FOXN2: variants seen among roughly 807,000 people sequenced by gnomAD.
FOXN2 encodes the protein forkhead box N2, also known as forkhead box protein N2.
Under a neutral mutation model 41.2 loss-of-function variants are expected in FOXN2, and 19 were observed. The ratio of observed to expected loss-of-function variants is 0.46; its 90% CI spans 0.32 to 0.68. The LOEUF is 0.68. FOXN2 is among the 30% of genes least tolerant of loss of function. The pLI is 0.03. For missense variants in FOXN2, 587 were observed against 509.4 expected (o/e 1.15, Z -1.47); for synonymous variants, 195 against 176.8 (o/e 1.10, Z -0.82).
Position 48,315,035 on chromosome 2 carries a change from G to T in FOXN2, c.-157+221G>T, listed in dbSNP as rs913023135. ...ATCGGGTGGTGTGTGGGCTCCGGGG[G>T]ATGTCGAACTGAGGGGAGTGTGGCT... On this transcript the variant is annotated intron_variant, in intron 1 of 6. Transcript: ENST00000340553. 3.9e-5 allele frequency among the ~76,000 whole-genome samples: 6 copies of T among 152,214 alleles called. No individual in the cohort carries two copies. In the East Asian group the frequency reaches 1.2e-3, roughly 30 times the overall value.
intron 5 of FOXN2, among the ~76,000 whole-genome samples, chr2:48,370,592 GTCT>G (rs1366161857): frequency 1.3e-5 from 2 of 151,936 alleles, no homozygotes; most frequent in Non-Finnish European, 1.5e-5. Context: ...CCATTTGTAT[GTCT>G]TCTTTTGAGC....
chr2:48,329,428 AC>A (rs952821395), intron 2 of FOXN2, among the ~76,000 whole-genome samples: 1 of 151,830 alleles, frequency 6.6e-6, no homozygotes, highest in African/African-American at 2.4e-5. Flanking sequence ...CCCCCCACTC[AC>A]TTTTATTTCA....
intron 5 of FOXN2, among the ~76,000 whole-genome samples, chr2:48,370,112 C>T (rs1048881524): frequency 2.0e-5 from 3 of 152,182 alleles, no homozygotes; most frequent in Non-Finnish European, 4.4e-5. Flanking sequence ...GTCCACCTGG[C>T]TTAAGGCAGT....
chr2:48,346,065 ATGT>A (rs1182948462), intron 2 of FOXN2, 133 bp from the exon 3 acceptor site: 18 of 682,474 alleles, frequency 2.6e-5, no homozygotes, highest in Non-Finnish European at 3.7e-5. Flanking sequence ...CATTATACAA[ATGT>A]TGTGCTTAAA....
upstream of FOXN2, among the ~76,000 whole-genome samples, chr2:48,313,857 A>AT (rs150483191): frequency 3.0e-3 from 461 of 152,266 alleles, 1 homozygote; most frequent in African/African-American, 0.01. Context: ...ATATTCTTAT[A>AT]TTTTTAAAAA....
At position 48,322,887 on chromosome 2, in the gene FOXN2, G is replaced by A. The variant is rs1325499666; in HGVS notation, c.-156-5674G>A. On this transcript the variant is annotated intron_variant, in intron 1 of 6. Transcript: ENST00000340553. ...TCAGACTTGCTTTTATTGTTTATAG[G>A]GATGTTATTTTATTGTTTCTTTTTT... Among the ~76,000 whole-genome samples the A allele has an allele frequency of 2.0e-5, 3 of 150,034 alleles. No individual in the cohort carries two copies. The East Asian group carries it at 5.8e-4, about 29-fold the overall frequency.
chr2:48,317,895 C>A (rs930691129), intron 1 of FOXN2, among the ~76,000 whole-genome samples: 2 of 151,846 alleles, frequency 1.3e-5, no homozygotes, highest in African/African-American at 4.8e-5. Flanking sequence ...GCGGGAACCA[C>A]CACGCCCGGC....
chr2:48,350,635 C>T (rs962231996), intron 3 of FOXN2, among the ~76,000 whole-genome samples: 6 of 152,190 alleles, frequency 3.9e-5, no homozygotes, highest in Non-Finnish European at 5.9e-5. Flanking sequence ...CATGGATGAT[C>T]TTTGCCTAAA....
At chr2:48,342,715 C>T (rs1014499846) in intron 2 of FOXN2, among the ~76,000 whole-genome samples, 1 of 152,102 alleles carries the variant, frequency 6.6e-6, no homozygotes, top group African/African-American at 2.4e-5. Context: ...CTGAACATGC[C>T]TGATCTCATC....
rs893546227 is a variant in FOXN2, at chr2:48,376,198, C to T, written c.*755C>T. On this transcript the variant is annotated 3_prime_UTR_variant, in exon 7 of 7. Transcript: ENST00000340553. ...ATTCTTTCCCAAAGTGCTTTGCAAA[C>T]ATTAAGTTTTAGCCACTAGCTGCCT... 6.6e-6 allele frequency: 1 copy of T among 152,082 alleles called. No homozygotes were observed. The highest frequency in any genetic ancestry group is 2.4e-5 in the African/African-American group (1 of 41,406). 9.4% of individuals were successfully genotyped at this position (152,082 alleles called of 1,614,324 possible).
chr2:48,340,250 C>T (rs1481534032), intron 2 of FOXN2, among the ~76,000 whole-genome samples: 4 of 152,174 alleles, frequency 2.6e-5, no homozygotes, highest in Non-Finnish European at 5.9e-5. Flanking sequence ...TGTAATGCAG[C>T]ATATTATGTT....
chr2:48,357,037 A>G (rs1011025204), intron 3 of FOXN2, among the ~76,000 whole-genome samples: 1 of 152,208 alleles, frequency 6.6e-6, no homozygotes, highest in Non-Finnish European at 1.5e-5. Context: ...TAAGTGGAAA[A>G]TTAGTTACAA....
chr2:48,327,735 G>A lies in FOXN2; in HGVS notation c.-156-826G>A, dbSNP rs527359470. 2.4e-4 allele frequency among the ~76,000 whole-genome samples: 36 copies of A among 152,234 alleles called. 1 individual carries two copies. The South Asian group carries it at 7.1e-3, about 30-fold the overall frequency. ...GCTGGGATTACAGGTGTGAGCCAAC[G>A]TGTCCAGCTGGAGATAGTCTTTAAT... On this transcript the variant is annotated intron_variant, in intron 1 of 6. Transcript: ENST00000340553.
rs1672495022 is a variant in FOXN2, at chr2:48,365,876, T to TGG, written c.703+3172_703+3173dup. ...ATTTTATTTTTGAACTTGGTTGTTT[T>TGG]GGGGTATATTTCTGAGGAAATTTTC... On this transcript the variant is annotated intron_variant, in intron 5 of 6. Coordinates refer to ENST00000340553, the MANE Select transcript of FOXN2 (RefSeq NM_002158.4). 2.0e-5 allele frequency among the ~76,000 whole-genome samples: 3 copies of TGG among 152,220 alleles called. No homozygotes were observed. In the South Asian group the frequency reaches 6.2e-4, roughly 31 times the overall value.
At chr2:48,371,415 T>G (rs1350068604) in intron 5 of FOXN2, among the ~76,000 whole-genome samples, 2 of 152,118 alleles carry the variant, frequency 1.3e-5, no homozygotes, top group Admixed American at 6.6e-5. Flanking sequence ...AATAGTTGGC[T>G]GTAAATATGT....
chr2:48,367,352 TTA>T (rs2104504391), intron 5 of FOXN2, among the ~76,000 whole-genome samples: 1 of 152,310 alleles, frequency 6.6e-6, no homozygotes, highest in East Asian at 1.9e-4. Context: ...ATTTTAGTAG[TTA>T]TACTAACTGC....
Position 48,316,454 on chromosome 2 carries a change from A to G in FOXN2, c.-157+1640A>G, listed in dbSNP as rs566210794. Among the ~76,000 whole-genome samples, 26 of 152,234 alleles carry G rather than the reference A, an allele frequency of 1.7e-4. No homozygotes were observed. In the East Asian group the frequency reaches 3.1e-3, roughly 18 times the overall value. ...CTTTTTGATAGTTTTAGAAAAATCT[A>G]TTTTTTTCTTTTTACATAAAAATTG... is the stretch of plus-strand genomic sequence containing the variant. On this transcript the variant is annotated intron_variant, in intron 1 of 6. Coordinates refer to ENST00000340553, the MANE Select transcript of FOXN2 (RefSeq NM_002158.4).
At chr2:48,367,917 A>G (rs1296622943) in intron 5 of FOXN2, among the ~76,000 whole-genome samples, 1 of 152,180 alleles carries the variant, frequency 6.6e-6, no homozygotes, top group Non-Finnish European at 1.5e-5. Flanking sequence ...ATCTTCGCTC[A>G]CTGTAACCTC....
At chr2:48,314,909 G>A (rs1451739692) in intron 1 of FOXN2, 95 bp downstream of exon 1, 1 of 151,866 alleles carries the variant, frequency 6.6e-6, no homozygotes, top group African/African-American at 2.4e-5. Context: ...CGAGCGACCC[G>A]CGCCAGGCGT....
Sources: gnomAD v4.1 joint callset for allele counts (sites outside exome capture counted in the v4.1 genomes callset) on GRCh38, gnomAD v4.1.1 for gene constraint, MANE v1.5 for transcripts, NCBI Gene and HGNC (gene_info 2026-07-23, HGNC 2026-07-21) for gene names.